Variants in CHL1 observed in about 807,000 individuals in gnomAD.
CHL1 encodes neural cell adhesion molecule L1-like protein.
A neutral mutation model predicts 141.9 loss-of-function variants in CHL1; 96 were observed. That is an observed-to-expected ratio of 0.68 (90% CI 0.57 to 0.80). The LOEUF is 0.80. Among genes scored for constraint, CHL1 ranks in the 30% least tolerant of loss-of-function variants. The pLI, the probability that CHL1 is intolerant of heterozygous loss-of-function variation, is 0.00. For missense variants in CHL1, 1,820 were observed against 1,457.2 expected (o/e 1.25, Z -4.05); for synonymous variants, 613 against 502.2 (o/e 1.22, Z -2.95).
At chr3:313,275 A>G (rs1699898149) in intron 2 of CHL1, among the ~76,000 whole-genome samples, 2 of 152,198 alleles carry the variant, frequency 1.3e-5, no homozygotes, top group Admixed American at 6.5e-5. Flanking sequence ...CTGTTTGTGA[A>G]TAATTATTCA....
At chr3:360,478 A>C in intron 12 of CHL1, 54 bp downstream of exon 12, 1 of 1,582,618 alleles carries the variant, frequency 6.3e-7, no homozygotes, top group African/African-American at 1.3e-5. Flanking sequence ...GAAAGTGGTC[A>C]AGGTCATGTT....
At chr3:288,102 T>G (rs1160016571) in intron 2 of CHL1, among the ~76,000 whole-genome samples, 1 of 152,158 alleles carries the variant, frequency 6.6e-6, no homozygotes, top group Non-Finnish European at 1.5e-5. Context: ...TTATTTTACT[T>G]GGATTCTGAT....
chr3:298,243 C>G (rs79391374), intron 2 of CHL1, among the ~76,000 whole-genome samples: 1 of 152,042 alleles, frequency 6.6e-6, no homozygotes, highest in Non-Finnish European at 1.5e-5. Context: ...TACAATAAGT[C>G]GAATTGCTAA....
At chr3:213,255 A>G (rs912444094) in intron 1 of CHL1, 1 of 152,218 alleles carries the variant, frequency 6.6e-6, no homozygotes, top group Non-Finnish European at 1.5e-5. Context: ...TGATGCGTTC[A>G]CCTATGTCCT....
intron 1 of CHL1, among the ~76,000 whole-genome samples, chr3:242,468 C>A (rs141772733): frequency 2.7e-5 from 4 of 146,040 alleles, no homozygotes; most frequent in East Asian, 2.0e-4. Context: ...TGGTGGTGGG[C>A]GCCTGTAGTC....
chr3:248,562 A>C (rs1693393768), intron 2 of CHL1: 1 of 152,108 alleles, frequency 6.6e-6, no homozygotes, highest in South Asian at 2.1e-4. Flanking sequence ...TGAGACTGTC[A>C]CTGCAATCAA....
At chr3:232,136 G>A (rs1421056859) in intron 1 of CHL1, among the ~76,000 whole-genome samples, 1 of 151,810 alleles carries the variant, frequency 6.6e-6, no homozygotes, top group Non-Finnish European at 1.5e-5. Context: ...AACTGAGAAG[G>A]TTTTGGTGTC....
chr3:385,768 C>T (rs557371319), intron 19 of CHL1: 4 of 139,388 alleles, frequency 2.9e-5, no homozygotes, highest in African/African-American at 1.0e-4. Flanking sequence ...GTGGAGGTTA[C>T]AGTGAGTTGA....
chr3:197,042 T>A lies in CHL1; in HGVS notation c.-196T>A, dbSNP rs985143805. On this transcript the variant is annotated 5_prime_UTR_variant, in exon 1 of 28. Coordinates refer to ENST00000256509, the MANE Select transcript of CHL1 (RefSeq NM_006614.4). ...CGCCCGAGGGGAGGCGCCGGACAGA[T>A]CGCGTTTCGGAGGCGGCGCAGGTGT... 1.3e-5 allele frequency: 2 copies of A among 152,042 alleles called. No individual in the cohort carries two copies. Among genetic ancestry groups the A allele is most frequent in the Non-Finnish European group, 2.9e-5 (2 of 68,114 alleles). The allele number at this position is 152,042 out of a possible 1,614,324, so 9.4% of individuals were successfully genotyped here.
intron 24 of CHL1, among the ~76,000 whole-genome samples, chr3:397,944 A>AT (rs1414025604): frequency 6.6e-6 from 1 of 152,124 alleles, no homozygotes; most frequent in African/African-American, 2.4e-5. Context: ...ATATTGTATA[A>AT]TTTTTTTAAG....
At chr3:389,999 C>T (rs1708089077) in intron 20 of CHL1, among the ~76,000 whole-genome samples, 1 of 152,158 alleles carries the variant, frequency 6.6e-6, no homozygotes, top group African/African-American at 2.4e-5. Flanking sequence ...AAAAACACTG[C>T]ATTCTGTATT....
chr3:398,173 G>A (rs1708830196), intron 24 of CHL1, 54 bp from the exon 25 acceptor site: 1 of 1,229,644 alleles, frequency 8.1e-7, no homozygotes, highest in East Asian at 2.6e-5. Flanking sequence ...ATTTTTTTAT[G>A]TCCTGTTTTT....
chr3:258,900 A>T (rs1055988682), intron 2 of CHL1, among the ~76,000 whole-genome samples: 3 of 148,506 alleles, frequency 2.0e-5, no homozygotes, highest in Admixed American at 1.3e-4. Context: ...TACTACAATT[A>T]TCACACACCT....
intron 1 of CHL1, among the ~76,000 whole-genome samples, chr3:239,099 T>C (rs962026692): frequency 1.3e-5 from 2 of 152,050 alleles, no homozygotes; most frequent in Non-Finnish European, 2.9e-5. Flanking sequence ...GTGGGGACTG[T>C]CAAGTAGGGG....
intron 15 of CHL1, among the ~76,000 whole-genome samples, chr3:369,319 C>T (rs918630270): frequency 1.3e-5 from 2 of 151,894 alleles, no homozygotes; most frequent in African/African-American, 4.8e-5. Context: ...CTTTGCATCC[C>T]TTGTTAGCTG....
At chr3:349,026 G>A (rs1017228818) in intron 9 of CHL1, among the ~76,000 whole-genome samples, 6 of 152,200 alleles carry the variant, frequency 3.9e-5, no homozygotes, top group Non-Finnish European at 7.3e-5. Flanking sequence ...AAATATCTTG[G>A]TAATATTATT....
intron 2 of CHL1, among the ~76,000 whole-genome samples, chr3:264,146 C>A (rs1054925992): frequency 1.3e-5 from 2 of 152,140 alleles, no homozygotes; most frequent in Non-Finnish European, 2.9e-5. Context: ...TTGAAGGAGT[C>A]TTTTTATGTA....
At chr3:312,905 G>T (rs1407961483) in intron 2 of CHL1, among the ~76,000 whole-genome samples, 2 of 152,120 alleles carry the variant, frequency 1.3e-5, no homozygotes, top group Non-Finnish European at 2.9e-5. Context: ...ATCTCTTCCT[G>T]CTGGCTATAA....
At chr3:230,095 G>C (rs955349520) in intron 1 of CHL1, among the ~76,000 whole-genome samples, 3 of 152,196 alleles carry the variant, frequency 2.0e-5, no homozygotes, top group African/African-American at 7.2e-5. Context: ...GCCCCCACTG[G>C]AAGAACTCTT....
Sources: allele counts gnomAD v4.1 joint callset (sites outside exome capture counted in the v4.1 genomes callset), GRCh38; gene constraint gnomAD v4.1.1; transcripts MANE v1.5; gene names NCBI Gene and HGNC (gene_info 2026-07-23, HGNC 2026-07-21).